FLACC1: variants seen among roughly 807,000 people sequenced by gnomAD.
FLACC1 encodes flagellum-associated coiled-coil domain-containing protein 1.
Under a neutral mutation model 62.8 loss-of-function variants are expected in FLACC1, and 66 were observed. That is an observed-to-expected ratio of 1.05 (90% CI 0.86 to 1.29). The LOEUF is 1.29. Among genes scored for constraint, FLACC1 ranks in the 50% most tolerant of loss-of-function variants. The pLI is 0.00. For synonymous variants in FLACC1, 156 were observed against 161.0 expected, an observed-to-expected ratio of 0.97 and a Z score of 0.24; for missense variants, 452 against 489.1, an observed-to-expected ratio of 0.92 and a Z score of 0.71.
chr2:201,303,859 G>A (rs1351898726), intron 11 of FLACC1, among the ~76,000 whole-genome samples: 1 of 152,080 alleles, frequency 6.6e-6, no homozygotes, highest in Admixed American at 6.6e-5. Context: ...TGCAGAAAAG[G>A]CCTTCAACAA....
chr2:201,356,140 C>G (rs1173739374), intron 1 of FLACC1, among the ~76,000 whole-genome samples: 4 of 152,042 alleles, frequency 2.6e-5, no homozygotes, highest in Admixed American at 2.6e-4. Flanking sequence ...ATCTACCAAT[C>G]AATATGACAG....
intron 9 of FLACC1, among the ~76,000 whole-genome samples, chr2:201,322,263 C>A (rs2349073): frequency 0.75 from 106,786 of 141,944 alleles, 38,519 homozygotes; most frequent in South Asian, 0.84. Context: ...GATTCAGCCT[C>A]AAAAAAAAAA....
upstream of FLACC1, among the ~76,000 whole-genome samples, chr2:201,359,595 T>C (rs1355334149): frequency 6.6e-6 from 1 of 152,080 alleles, no homozygotes; most frequent in Non-Finnish European, 1.5e-5. Context: ...ATCAAAGAGG[T>C]TTATTAACCT....
chr2:201,344,954 CAGG>C (rs1950883180), intron 5 of FLACC1, among the ~76,000 whole-genome samples: 1 of 152,142 alleles, frequency 6.6e-6, no homozygotes, highest in Non-Finnish European at 1.5e-5. Context: ...AGAGGAGATA[CAGG>C]AGGAGACAGT....
chr2:201,310,955 G>T (rs777569423), intron 9 of FLACC1, among the ~76,000 whole-genome samples: 23 of 152,018 alleles, frequency 1.5e-4, no homozygotes, highest in Non-Finnish European at 3.1e-4. Context: ...GGACAAAGGT[G>T]ACATTACAAC....
rs1949940188 is a variant in FLACC1 at position 201,299,836 on chromosome 2, C to G, written c.880-536G>C. On this transcript the variant is annotated intron_variant, in intron 11 of 14. Transcript: ENST00000392257. Reference sequence around the variant, plus strand: ...AAAATAGTCAAACAGAACGGAGAGTCCTAACACCCCAAATACAGCAAAGAC... The same window carrying G: ...AAAATAGTCAAACAGAACGGAGAGTGCTAACACCCCAAATACAGCAAAGAC... Among the ~76,000 whole-genome samples, 3 of 152,158 alleles carry G rather than the reference C, an allele frequency of 2.0e-5. No individual in the cohort carries two copies. In the South Asian group the frequency reaches 6.2e-4, roughly 32 times the overall value.
chr2:201,356,079 T>C (rs1951112294), intron 1 of FLACC1, among the ~76,000 whole-genome samples: 1 of 152,102 alleles, frequency 6.6e-6, no homozygotes, highest in Non-Finnish European at 1.5e-5. Context: ...GGGGAGGAGT[T>C]GGGACAACCA....
intron 9 of FLACC1, among the ~76,000 whole-genome samples, chr2:201,320,329 G>A (rs1950380405): frequency 6.6e-6 from 1 of 152,256 alleles, no homozygotes; most frequent in Non-Finnish European, 1.5e-5. Flanking sequence ...AGCCATGAGT[G>A]CAGGAGCTGC....
chr2:201,353,075 C>T (rs1279693621), intron 1 of FLACC1, among the ~76,000 whole-genome samples: 1 of 152,142 alleles, frequency 6.6e-6, no homozygotes, highest in African/African-American at 2.4e-5. Context: ...TGAGCCACTA[C>T]ATTTGTGGTA....
At chr2:201,325,449 T>C (rs997454162) in intron 9 of FLACC1, among the ~76,000 whole-genome samples, 5 of 151,190 alleles carry the variant, frequency 3.3e-5, no homozygotes, top group African/African-American at 4.9e-5. Context: ...GAAGAGAAGA[T>C]CTAAATAAGC....
At position 201,288,503 on chromosome 2, in the gene FLACC1, G is replaced by A. The variant is rs1425237027; in HGVS notation, c.*152C>T. The A allele has an allele frequency of 1.6e-5, 15 of 923,024 alleles. No homozygotes were observed. The highest frequency in any genetic ancestry group is 2.4e-5 in the Non-Finnish European group (15 of 637,752). The allele number at this position is 923,024 out of a possible 1,614,324, so 57.2% of individuals were successfully genotyped here. A position where few individuals can be genotyped will look rare whatever the true frequency, so the allele number is the denominator to read the frequency against. On this transcript the variant is annotated 3_prime_UTR_variant, in exon 15 of 15. Coordinates refer to ENST00000392257, the MANE Select transcript of FLACC1 (RefSeq NM_001127391.3). ...GTGATAAGCTGTGAAATTCAGATGCGAATTCAAACATTTTCAGACATTCAG... is the reference window on the plus strand; with the variant it reads ...GTGATAAGCTGTGAAATTCAGATGCAAATTCAAACATTTTCAGACATTCAG...
intron 10 of FLACC1, among the ~76,000 whole-genome samples, chr2:201,308,350 C>T (rs989441510): frequency 2.0e-5 from 3 of 152,208 alleles, no homozygotes; most frequent in Non-Finnish European, 2.9e-5. Flanking sequence ...CTCCCCCTCC[C>T]GTTCCCCAGC....
chr2:201,295,820 AAAAC>A (rs1483695273), intron 12 of FLACC1, among the ~76,000 whole-genome samples: 5 of 152,328 alleles, frequency 3.3e-5, no homozygotes, highest in East Asian at 3.9e-4. Context: ...TTACAAGAAA[AAAAC>A]AAACAACCCC....
chr2:201,360,667 G>A (rs569609589), upstream of FLACC1, among the ~76,000 whole-genome samples: 67 of 152,294 alleles, frequency 4.4e-4, 1 homozygote, highest in African/African-American at 1.2e-3. Flanking sequence ...CAGGAATCCC[G>A]TGAAAGCCTG....
intron 11 of FLACC1, among the ~76,000 whole-genome samples, chr2:201,304,255 G>A (rs373755031): frequency 1.3e-5 from 2 of 152,056 alleles, no homozygotes; most frequent in Non-Finnish European, 2.9e-5. Context: ...AAATCAATGT[G>A]CAAAAATCAC....
chr2:201,362,962 T>C, the FLACC1 span, among the ~76,000 whole-genome samples: 3 of 152,136 alleles, frequency 2.0e-5, no homozygotes, highest in Non-Finnish European at 4.4e-5. Context: ...AGCTGCAGTT[T>C]CTCCTGTGTG....
At chr2:201,328,573 G>A (rs1298522500) in intron 9 of FLACC1, among the ~76,000 whole-genome samples, 1 of 152,094 alleles carries the variant, frequency 6.6e-6, no homozygotes, top group Non-Finnish European at 1.5e-5. Context: ...TTACAGGTGT[G>A]TGCCACCATG....
At chr2:201,356,475 T>C (rs1481406258) in intron 1 of FLACC1, among the ~76,000 whole-genome samples, 1 of 152,200 alleles carries the variant, frequency 6.6e-6, no homozygotes, top group East Asian at 1.9e-4. Context: ...GGCAGTATTT[T>C]AATATTTCAG....
chr2:201,322,159 C>G (rs1950415932), intron 9 of FLACC1, among the ~76,000 whole-genome samples: 1 of 151,416 alleles, frequency 6.6e-6, no homozygotes, highest in Non-Finnish European at 1.5e-5. Context: ...ATCCCAGCTA[C>G]TTGGGAGGCT....
Sources: allele counts gnomAD v4.1 joint callset (sites outside exome capture counted in the v4.1 genomes callset), GRCh38; gene constraint gnomAD v4.1.1; transcripts MANE v1.5; gene names NCBI Gene and HGNC (gene_info 2026-07-23, HGNC 2026-07-21).